The following DLEU7 variants were observed in gnomAD, a reference collection of about 807,000 sequenced individuals.
The protein encoded by DLEU7 is leukemia-associated protein 7.
Under a neutral mutation model 16.0 loss-of-function variants are expected in DLEU7, and 17 were observed. The ratio of observed to expected loss-of-function variants is 1.06; its 90% CI spans 0.73 to 1.59. DLEU7 has a LOEUF of 1.59. DLEU7 is among the 40% of genes most tolerant of loss of function. The pLI, the probability that DLEU7 is intolerant of heterozygous loss-of-function variation, is 0.00. For synonymous variants in DLEU7, 113 were observed against 139.8 expected (o/e 0.81, Z 1.35); for missense variants, 308 against 314.9 (o/e 0.98, Z 0.17).
rs1030004185 is a variant in DLEU7 at position 50,843,493 on chromosome 13, G to A, written c.154C>T (p.Arg52Cys). The A allele has an allele frequency of 5.9e-6, 8 of 1,364,730 alleles. No individual in the cohort carries two copies. The African/African-American group carries it at 1.1e-4, about 18-fold the overall frequency. 84.5% of individuals were successfully genotyped at this position (1,364,730 alleles called of 1,614,324 possible). Residue 52 changes from arginine to cysteine, a missense_variant, in exon 1 of 2, where the codon CGT becomes TGT. Coordinates refer to ENST00000504404, the MANE Select transcript of DLEU7 (RefSeq NM_001306135.2). The surrounding 1 kb of genome is among the most constrained non-coding windows in gnomAD (Gnocchi z 5.7). Reference sequence around the variant, plus strand: ...CGGGCCCGCGGCGGGCCTGAGCGACGGGCTGGAGCGGTGGACACGTGGTCT... The same window carrying A: ...CGGGCCCGCGGCGGGCCTGAGCGACAGGCTGGAGCGGTGGACACGTGGTCT... ...DPDHVSTAPA[R>C]RSGPPRARPG...
intron 1 of DLEU7, among the ~76,000 whole-genome samples, chr13:50,787,985 T>C (rs1296538048): frequency 5.3e-5 from 8 of 152,166 alleles, no homozygotes; most frequent in Non-Finnish European, 2.9e-5. Context: ...GTAGCCTACA[T>C]TTCCCTCCTT....
intron 1 of DLEU7, among the ~76,000 whole-genome samples, chr13:50,759,565 G>A (rs1309189582): frequency 6.6e-6 from 1 of 152,088 alleles, no homozygotes; most frequent in Non-Finnish European, 1.5e-5. Context: ...TTCTTATTTA[G>A]CCCTTATCAT....
chr13:50,790,410 C>T (rs1438035401), intron 1 of DLEU7, among the ~76,000 whole-genome samples: 1 of 152,094 alleles, frequency 6.6e-6, no homozygotes, highest in African/African-American at 2.4e-5. Flanking sequence ...ACGATGTGGA[C>T]TTTGAGGTGC....
chr13:50,781,581 T>C (rs1004973767), intron 1 of DLEU7, among the ~76,000 whole-genome samples: 5 of 152,162 alleles, frequency 3.3e-5, no homozygotes, highest in African/African-American at 1.2e-4. Flanking sequence ...TCGTGGATCT[T>C]CCTAAAACAC....
intron 1 of DLEU7, among the ~76,000 whole-genome samples, chr13:50,789,311 A>G (rs1235763844): frequency 2.0e-5 from 3 of 150,170 alleles, no homozygotes; most frequent in Admixed American, 6.7e-5. Flanking sequence ...TGAACAACCC[A>G]TGTAACCTCT....
chr13:50,841,667 T>C (rs1252212994), intron 1 of DLEU7, among the ~76,000 whole-genome samples: 1 of 151,326 alleles, frequency 6.6e-6, no homozygotes. Flanking sequence ...GGCTCGAGGC[T>C]GTAGTGTTAT....
At chr13:50,790,376 A>G (rs1460083963) in intron 1 of DLEU7, among the ~76,000 whole-genome samples, 1 of 152,028 alleles carries the variant, frequency 6.6e-6, no homozygotes, top group East Asian at 1.9e-4. Flanking sequence ...CTTCTCCCAA[A>G]TCCTTTTATA....
At chr13:50,783,740 G>T (rs1167373085) in intron 1 of DLEU7, among the ~76,000 whole-genome samples, 4 of 152,196 alleles carry the variant, frequency 2.6e-5, no homozygotes, top group Non-Finnish European at 5.9e-5. Flanking sequence ...AACACAAAGT[G>T]CTGGAGACGT....
chr13:50,778,091 G>A (rs1875555961), intron 1 of DLEU7, among the ~76,000 whole-genome samples: 2 of 152,228 alleles, frequency 1.3e-5, no homozygotes, highest in South Asian at 2.1e-4. Flanking sequence ...AGGTTTAATT[G>A]ATTCATAGTT....
At chr13:50,823,583 T>C (rs1276218882) in intron 1 of DLEU7, 63 bp from the exon 2 acceptor site, 50 of 1,512,924 alleles carry the variant, frequency 3.3e-5, no homozygotes, top group Non-Finnish European at 4.3e-5. Context: ...TTGTTGTACT[T>C]TGCTTACCCA....
chr13:50,824,895 A>T (rs1877032661), intron 1 of DLEU7, among the ~76,000 whole-genome samples: 1 of 152,246 alleles, frequency 6.6e-6, no homozygotes, highest in Non-Finnish European at 1.5e-5. Flanking sequence ...GATATAGCAG[A>T]TGCAATGTGG....
At chr13:50,743,570 A>T (rs759430653) in intron 1 of DLEU7, among the ~76,000 whole-genome samples, 37 of 152,340 alleles carry the variant, frequency 2.4e-4, no homozygotes, top group South Asian at 1.2e-3. Flanking sequence ...AGGAATAAAA[A>T]GTATGTTGAA....
At chr13:50,760,259 A>G (rs899661865) in intron 1 of DLEU7, among the ~76,000 whole-genome samples, 1 of 152,234 alleles carries the variant, frequency 6.6e-6, no homozygotes, top group Non-Finnish European at 1.5e-5. Context: ...ATTTGGTCTC[A>G]TTTTATAAAG....
intron 1 of DLEU7, among the ~76,000 whole-genome samples, chr13:50,744,094 T>G (rs1874324360): frequency 6.6e-6 from 1 of 152,178 alleles, no homozygotes; most frequent in South Asian, 2.1e-4. Flanking sequence ...TTGCTTTGTG[T>G]CATGTCAGCA....
intron 1 of DLEU7, among the ~76,000 whole-genome samples, chr13:50,815,027 A>C (rs1445824838): frequency 6.6e-6 from 1 of 152,034 alleles, no homozygotes; most frequent in Non-Finnish European, 1.5e-5. Context: ...AAGGTAAAAA[A>C]TGGAGATATA....
At chr13:50,771,724 G>A (rs1376476741) in intron 1 of DLEU7, among the ~76,000 whole-genome samples, 1 of 152,182 alleles carries the variant, frequency 6.6e-6, no homozygotes, top group Non-Finnish European at 1.5e-5. Flanking sequence ...GTGGTGCTGA[G>A]AAGAATGTAT....
intron 1 of DLEU7, among the ~76,000 whole-genome samples, chr13:50,801,638 T>C (rs1437892514): frequency 6.6e-6 from 1 of 152,108 alleles, no homozygotes; most frequent in Non-Finnish European, 1.5e-5. Context: ...TTTTACATGA[T>C]TTTAAATTAC....
At chr13:50,711,878 C>G (rs1312960932), downstream of DLEU7, 1 of 145,268 alleles carries the variant, frequency 6.9e-6, no homozygotes, top group East Asian at 2.0e-4. Flanking sequence ...CAAGGTCACA[C>G]AGGATTTTTT....
intron 1 of DLEU7, among the ~76,000 whole-genome samples, chr13:50,798,235 G>A (rs1332849476): frequency 6.6e-6 from 1 of 152,144 alleles, no homozygotes; most frequent in African/African-American, 2.4e-5. Flanking sequence ...CACATGAAAT[G>A]AAATGTATAT....
Sources: allele counts gnomAD v4.1 joint callset (sites outside exome capture counted in the v4.1 genomes callset), GRCh38; gene constraint gnomAD v4.1.1; non-coding constraint Gnocchi (gnomAD v3.1); transcripts MANE v1.5; gene names NCBI Gene and HGNC (gene_info 2026-07-23, HGNC 2026-07-21).